RAP1GDS1: variants seen among roughly 807,000 people sequenced by gnomAD.
RAP1GDS1 encodes the protein Rap1 GTPase-GDP dissociation stimulator 1.
RAP1GDS1 carries 35 observed loss-of-function variants against 71.1 expected under a neutral mutation model. The observed-to-expected ratio is 0.49, with a 90% CI of 0.38 to 0.65. RAP1GDS1 has a LOEUF of 0.65. Among genes scored for constraint, RAP1GDS1 ranks in the 30% least tolerant of loss-of-function variants. RAP1GDS1 has a pLI of 0.00. For missense variants in RAP1GDS1, 663 were observed against 706.1 expected, an observed-to-expected ratio of 0.94 and a Z score of 0.69; for synonymous variants, 229 against 243.1, an observed-to-expected ratio of 0.94 and a Z score of 0.54.
chr4:98,380,156 T>A (rs1578659750), intron 5 of RAP1GDS1, among the ~76,000 whole-genome samples: 2 of 150,790 alleles, frequency 1.3e-5, no homozygotes, highest in East Asian at 3.9e-4. Flanking sequence ...GTGACAACAG[T>A]GAATGGTGGG....
At chr4:98,282,248 T>C (rs1034643395) in intron 1 of RAP1GDS1, among the ~76,000 whole-genome samples, 1 of 152,192 alleles carries the variant, frequency 6.6e-6, no homozygotes, top group Non-Finnish European at 1.5e-5. Context: ...CTGGACTTTT[T>C]TTGGTTGGTA....
chr4:98,377,254 A>G (rs1741301889), intron 4 of RAP1GDS1, among the ~76,000 whole-genome samples: 3 of 151,964 alleles, frequency 2.0e-5, no homozygotes, highest in South Asian at 2.1e-4. Context: ...GATGTACTAT[A>G]CCTTCATATT....
chr4:98,397,738 C>T (rs1744761297), intron 6 of RAP1GDS1, among the ~76,000 whole-genome samples: 1 of 152,078 alleles, frequency 6.6e-6, no homozygotes, highest in African/African-American at 2.4e-5. Context: ...GATGACTACC[C>T]CTTGCCTATC....
intron 3 of RAP1GDS1, among the ~76,000 whole-genome samples, chr4:98,349,064 T>A (rs1245353952): frequency 1.3e-5 from 2 of 152,148 alleles, no homozygotes; most frequent in Non-Finnish European, 2.9e-5. Flanking sequence ...CTGAATGGTA[T>A]TGCCTAGGTT....
At chr4:98,352,376 A>T in intron 3 of RAP1GDS1, 100 bp from the exon 4 acceptor site, 9 of 1,325,786 alleles carry the variant, frequency 6.8e-6, no homozygotes, top group Non-Finnish European at 9.3e-6. Context: ...TGGCTTTTAA[A>T]TACCACATAT....
chr4:98,343,702 G>T (rs1418002686), intron 3 of RAP1GDS1, among the ~76,000 whole-genome samples: 1 of 152,034 alleles, frequency 6.6e-6, no homozygotes, highest in Non-Finnish European at 1.5e-5. Flanking sequence ...TGGAATATAC[G>T]TTCTATTTTC....
chr4:98,308,678 C>A (rs958929924), intron 2 of RAP1GDS1, among the ~76,000 whole-genome samples: 1 of 151,940 alleles, frequency 6.6e-6, no homozygotes, highest in African/African-American at 2.4e-5. Context: ...ATCTTTGAAT[C>A]AAGGTCATGC....
At chr4:98,305,452 T>C (rs1238412203) in intron 2 of RAP1GDS1, among the ~76,000 whole-genome samples, 1 of 152,164 alleles carries the variant, frequency 6.6e-6, no homozygotes, top group African/African-American at 2.4e-5. Flanking sequence ...GTCTAAAATA[T>C]GTCCTATGTG....
chr4:98,301,441 C>A lies in RAP1GDS1; in HGVS notation c.112+7926C>A, dbSNP rs576848006. The stretch of plus-strand genomic sequence containing the variant: ...GGTGGCCTCCTAAATCTGTATCTTT[C>A]CATGCATTCTCTAAAAGTCCACACA... On this transcript the variant is annotated intron_variant, in intron 2 of 14. Coordinates refer to ENST00000408927, the MANE Select transcript of RAP1GDS1 (RefSeq NM_001100427.2). Among the ~76,000 whole-genome samples the A allele has an allele frequency of 3.1e-4, 47 of 152,220 alleles. No homozygotes were observed. In the South Asian group the frequency reaches 9.5e-3, roughly 31 times the overall value.
chr4:98,354,369 A>G (rs1737658162), intron 4 of RAP1GDS1, among the ~76,000 whole-genome samples: 1 of 152,220 alleles, frequency 6.6e-6, no homozygotes, highest in African/African-American at 2.4e-5. Context: ...GCCCAAAAGT[A>G]TTCTTTAAAC....
Position 98,438,576 on chromosome 4 carries a change from A to G in RAP1GDS1, c.1696+1508A>G, listed in dbSNP as rs568692142. On this transcript the variant is annotated intron_variant, in intron 14 of 14. Coordinates refer to ENST00000408927, the MANE Select transcript of RAP1GDS1 (RefSeq NM_001100427.2). ...TTTACATTTATTCTTCCATATATAT[A>G]TATATATATATATCTTTTTTTTTTT... 5.3e-5 allele frequency among the ~76,000 whole-genome samples: 7 copies of G among 132,536 alleles called. No individual in the cohort carries two copies. The East Asian group carries it at 1.5e-3, about 28-fold the overall frequency. 86.9% of individuals were successfully genotyped at this position (132,536 alleles called of 152,430 possible). A position where few individuals can be genotyped will look rare whatever the true frequency, so the allele number is the denominator to read the frequency against.
chr4:98,350,134 T>G (rs1026518460), intron 3 of RAP1GDS1, among the ~76,000 whole-genome samples: 1 of 152,176 alleles, frequency 6.6e-6, no homozygotes, highest in African/African-American at 2.4e-5. Context: ...AGCTATTGAT[T>G]GTAGAGTCCA....
chr4:98,436,112 C>T (rs1305868117), intron 13 of RAP1GDS1, among the ~76,000 whole-genome samples: 3 of 151,224 alleles, frequency 2.0e-5, no homozygotes, highest in South Asian at 2.1e-4. Flanking sequence ...GTATAAGGTA[C>T]GAGGTTTAGG....
intron 6 of RAP1GDS1, among the ~76,000 whole-genome samples, chr4:98,402,962 A>T (rs1257711593): frequency 6.6e-6 from 1 of 152,208 alleles, no homozygotes; most frequent in East Asian, 1.9e-4. Context: ...TGCTAGTATG[A>T]GAAAGTAATA....
In RAP1GDS1 at chr4:98,404,505, A is replaced by C. The variant is rs767876944; in HGVS notation, c.666A>C (p.Thr222=). ...LESSKEQFAS[T]NIAEELVKLF... is the part of the protein sequence containing the mutation. ...CAAGTAAAGAACAGTTTGCCAGTACAAACATTGCTGAAGAGCTAGTAAAAC... is the reference window on the plus strand; with the variant it reads ...CAAGTAAAGAACAGTTTGCCAGTACCAACATTGCTGAAGAGCTAGTAAAAC... The change falls in exon 7 of 15, where the codon ACA becomes ACC. Residue 222 remains threonine, a synonymous_variant. Coordinates refer to ENST00000408927, the MANE Select transcript of RAP1GDS1 (RefSeq NM_001100427.2). The C allele has an allele frequency of 6.3e-5, 101 of 1,607,114 alleles. No homozygotes were observed. The highest frequency in any genetic ancestry group is 8.6e-5 in the Non-Finnish European group (101 of 1,177,558).
intron 5 of RAP1GDS1, chr4:98,387,626 G>A: frequency 3.1e-6 from 1 of 327,142 alleles, no homozygotes; most frequent in South Asian, 2.5e-5. Flanking sequence ...TAGGGCCTGT[G>A]TCATTTTGAT....
In RAP1GDS1 at chr4:98,433,921, T is replaced by A; in HGVS notation, c.1441-15T>A. 6.3e-7 allele frequency: 1 copy of A among 1,590,520 alleles called. No individual in the cohort carries two copies. Among genetic ancestry groups the A allele is most frequent in the Non-Finnish European group, 8.6e-7 (1 of 1,160,604 alleles). On this transcript the variant is annotated splice_polypyrimidine_tract_variant and intron_variant, in intron 12 of 14. Transcript: ENST00000408927. ...AAAATTAAAGTCTATAATTCTCTGATATTATTTATTGTAGGATGTAATTAA... is the reference window on the plus strand; with the variant it reads ...AAAATTAAAGTCTATAATTCTCTGAAATTATTTATTGTAGGATGTAATTAA...
At chr4:98,391,931 G>A (rs917223487) in intron 5 of RAP1GDS1, 21 bp from the exon 6 acceptor site, 22 of 1,341,024 alleles carry the variant, frequency 1.6e-5, no homozygotes, top group Non-Finnish European at 2.1e-5. Flanking sequence ...TTCTGTTGTT[G>A]TTTTTTTTTT....
At chr4:98,354,675 A>G (rs949937585) in intron 4 of RAP1GDS1, among the ~76,000 whole-genome samples, 2 of 152,190 alleles carry the variant, frequency 1.3e-5, no homozygotes, top group East Asian at 3.8e-4. Context: ...GGGATATACA[A>G]TATAAAGTTC....
Sources: gnomAD v4.1 joint callset for allele counts (sites outside exome capture counted in the v4.1 genomes callset) on GRCh38, gnomAD v4.1.1 for gene constraint, MANE v1.5 for transcripts, NCBI Gene and HGNC (gene_info 2026-07-23, HGNC 2026-07-21) for gene names.